TIMP3: variants seen among roughly 807,000 people sequenced by gnomAD.
The protein encoded by TIMP3 is TIMP metallopeptidase inhibitor 3.
In TIMP3, 11 loss-of-function variants were observed where a neutral mutation model predicts 30.0. The observed-to-expected ratio is 0.37, with a 90% CI of 0.23 to 0.61. The LOEUF (loss-of-function observed/expected upper bound fraction) is 0.61. Among genes scored for constraint, TIMP3 ranks in the 20% least tolerant of loss-of-function variants. The probability of loss-of-function intolerance (pLI) is 0.70; values close to 1 mark genes in which losing one functional copy is unlikely to be tolerated. For missense variants in TIMP3, 181 were observed against 276.8 expected (o/e 0.65, Z 2.45); for synonymous variants, 112 against 111.3 (o/e 1.01, Z -0.04).
intron 1 of TIMP3, among the ~76,000 whole-genome samples, chr22:32,843,548 G>A (rs976936148): frequency 5.9e-5 from 9 of 152,202 alleles, no homozygotes; most frequent in Non-Finnish European, 1.3e-4. Context: ...TTGTCATCCT[G>A]TGGGAGATGA....
Position 32,857,137 on chromosome 22 carries a change from C to T in TIMP3, c.205-112C>T, listed in dbSNP as rs1187989735. ...AGTCAACATGAGAGTGCAGACCCCTCTTCCATATTCCGATTTCCTTTCCTT... is the reference window on the plus strand; with the variant it reads ...AGTCAACATGAGAGTGCAGACCCCTTTTCCATATTCCGATTTCCTTTCCTT... On this transcript the variant is annotated intron_variant, in intron 2 of 4. Coordinates refer to ENST00000266085, the MANE Select transcript of TIMP3 (RefSeq NM_000362.5). 4.9e-6 allele frequency: 4 copies of T among 821,082 alleles called. No homozygotes were observed. In the Admixed American group the frequency reaches 5.7e-5, roughly 12 times the overall value. 50.9% of individuals were successfully genotyped at this position (821,082 alleles called of 1,614,324 possible).
At chr22:32,809,671 G>GTCAT (rs1219415709) in intron 1 of TIMP3, among the ~76,000 whole-genome samples, 2 of 152,196 alleles carry the variant, frequency 1.3e-5, no homozygotes, top group East Asian at 3.8e-4. Context: ...ATACTAGCCA[G>GTCAT]TCATTATTCT....
chr22:32,840,376 G>A (rs2047859511), intron 1 of TIMP3, among the ~76,000 whole-genome samples: 1 of 152,120 alleles, frequency 6.6e-6, no homozygotes, highest in Non-Finnish European at 1.5e-5. Context: ...TCAACGAAAA[G>A]GGCCTTTGAA....
intron 1 of TIMP3, among the ~76,000 whole-genome samples, chr22:32,845,857 G>GC (rs2048046520): frequency 6.6e-6 from 1 of 152,192 alleles, no homozygotes; most frequent in South Asian, 2.1e-4. Flanking sequence ...GTTCCCTGTG[G>GC]CCCCTGGGCC....
At chr22:32,807,421 TATTA>T (rs1271344482) in intron 1 of TIMP3, among the ~76,000 whole-genome samples, 1 of 119,620 alleles carries the variant, frequency 8.4e-6, no homozygotes, top group Non-Finnish European at 1.7e-5. Context: ...TTTACATATA[TATTA>T]TATATATAAT....
chr22:32,825,552 G>A (rs1276287993), intron 1 of TIMP3, among the ~76,000 whole-genome samples: 3 of 150,350 alleles, frequency 2.0e-5, no homozygotes, highest in East Asian at 4.0e-4. Flanking sequence ...CCAGCTACTC[G>A]GGAAGCTGAG....
At chr22:32,853,757 C>A (rs1280467019) in intron 2 of TIMP3, among the ~76,000 whole-genome samples, 2 of 152,222 alleles carry the variant, frequency 1.3e-5, no homozygotes, top group Non-Finnish European at 2.9e-5. Flanking sequence ...TTGTTCTAAG[C>A]TAACTTTTAT....
At chr22:32,845,130 T>A (rs748484047) in intron 1 of TIMP3, among the ~76,000 whole-genome samples, 1 of 152,104 alleles carries the variant, frequency 6.6e-6, no homozygotes, top group South Asian at 2.1e-4. Context: ...GAGGCTGAGA[T>A]TCACACTGAG....
rs540381462 is a variant in TIMP3, at chr22:32,808,888, G to A, written c.121+6766G>A. ...GCTGGGAGAAAGAACTTAGGGCTGC[G>A]TGCCACCCAGAGGGATAAACCTAAC... On this transcript the variant is annotated intron_variant, in intron 1 of 4. Transcript: ENST00000266085. Among the ~76,000 whole-genome samples, 25 of 152,298 alleles carry A rather than the reference G, an allele frequency of 1.6e-4. No homozygotes were observed. In the South Asian group the frequency reaches 4.6e-3, roughly 28 times the overall value.
chr22:32,809,680 C>G (rs1265323713), intron 1 of TIMP3, among the ~76,000 whole-genome samples: 1 of 152,182 alleles, frequency 6.6e-6, no homozygotes, highest in African/African-American at 2.4e-5. Flanking sequence ...AGTCATTATT[C>G]TGACACAATC....
At chr22:32,851,300 C>T (rs1354778795) in intron 2 of TIMP3, among the ~76,000 whole-genome samples, 1 of 152,198 alleles carries the variant, frequency 6.6e-6, no homozygotes, top group Non-Finnish European at 1.5e-5. Flanking sequence ...AGGGAAATAG[C>T]TGGGAGGCAG....
At chr22:32,826,914 G>C (rs1000352416) in intron 1 of TIMP3, among the ~76,000 whole-genome samples, 1 of 152,134 alleles carries the variant, frequency 6.6e-6, no homozygotes, top group Admixed American at 6.5e-5. Flanking sequence ...TTCCACTTGA[G>C]GGAACCTAGA....
chr22:32,826,688 A>G lies in TIMP3; in HGVS notation c.122-22764A>G, dbSNP rs147268652. Reference sequence around the variant, plus strand: ...CTCTGAACTTCCTGGCATCTTAGTTAGCCTATTTGAGCTGGAATAAAATGT... The same window carrying G: ...CTCTGAACTTCCTGGCATCTTAGTTGGCCTATTTGAGCTGGAATAAAATGT... On this transcript the variant is annotated intron_variant, in intron 1 of 4. Transcript: ENST00000266085. 6.0e-3 allele frequency among the ~76,000 whole-genome samples: 908 copies of G among 152,294 alleles called. 1 individual carries two copies. The highest frequency in any genetic ancestry group is 8.4e-3 in the Non-Finnish European group (572 of 68,028).
chr22:32,811,610 C>T (rs2046916813), intron 1 of TIMP3, among the ~76,000 whole-genome samples: 1 of 152,194 alleles, frequency 6.6e-6, no homozygotes, highest in Non-Finnish European at 1.5e-5. Flanking sequence ...TCTATTTTCA[C>T]AACTCTTCAC....
At chr22:32,853,292 A>C (rs1057478074) in intron 2 of TIMP3, among the ~76,000 whole-genome samples, 1 of 152,216 alleles carries the variant, frequency 6.6e-6, no homozygotes, top group African/African-American at 2.4e-5. Flanking sequence ...TGCTGTATAG[A>C]GAAAGATCAT....
At chr22:32,833,609 C>T (rs1399590075) in intron 1 of TIMP3, among the ~76,000 whole-genome samples, 2 of 152,134 alleles carry the variant, frequency 1.3e-5, no homozygotes, top group Non-Finnish European at 2.9e-5. Context: ...GCCACTGTGC[C>T]GTAGTTTAAC....
intron 1 of TIMP3, among the ~76,000 whole-genome samples, chr22:32,838,165 G>A (rs147988973): frequency 2.0e-5 from 3 of 152,296 alleles, no homozygotes; most frequent in African/African-American, 7.2e-5. Context: ...CCAAGACATG[G>A]CACAGGATCT....
intron 2 of TIMP3, among the ~76,000 whole-genome samples, chr22:32,854,453 C>T (rs1339142688): frequency 6.6e-6 from 1 of 152,134 alleles, no homozygotes; most frequent in Non-Finnish European, 1.5e-5. Flanking sequence ...AAGACTGACG[C>T]AGAAGGAATG....
At chr22:32,830,129 G>A (rs1784946613) in intron 1 of TIMP3, among the ~76,000 whole-genome samples, 1 of 152,126 alleles carries the variant, frequency 6.6e-6, no homozygotes, top group Non-Finnish European at 1.5e-5. Flanking sequence ...GGCCCATATG[G>A]GTCCCAGCTA....
Sources: allele counts gnomAD v4.1 joint callset (sites outside exome capture counted in the v4.1 genomes callset), GRCh38; gene constraint gnomAD v4.1.1; transcripts MANE v1.5; gene names NCBI Gene and HGNC (gene_info 2026-07-23, HGNC 2026-07-21).